Variants in OSBPL1A observed in about 807,000 individuals in gnomAD.
OSBPL1A encodes the protein oxysterol-binding protein-related protein 1.
Under a neutral mutation model 137.1 loss-of-function variants are expected in OSBPL1A, and 80 were observed. That is an observed-to-expected ratio of 0.58 (90% CI 0.49 to 0.70). OSBPL1A has a LOEUF of 0.70. OSBPL1A is among the 30% of genes least tolerant of loss of function. OSBPL1A has a pLI of 0.00. For synonymous variants in OSBPL1A, 365 were observed against 389.7 expected (o/e 0.94, Z 0.75); for missense variants, 970 against 1,129.4 (o/e 0.86, Z 2.02).
chr18:24,265,077 T>C (rs2089538821), intron 15 of OSBPL1A, among the ~76,000 whole-genome samples: 1 of 152,222 alleles, frequency 6.6e-6, no homozygotes, highest in African/African-American at 2.4e-5. Context: ...AGACCAGATG[T>C]TCTACAATCT....
chr18:24,180,467 G>GTC (rs2086574278), intron 19 of OSBPL1A, among the ~76,000 whole-genome samples: 1 of 105,772 alleles, frequency 9.5e-6, no homozygotes, highest in Non-Finnish European at 2.2e-5. Context: ...TATTTTGTGT[G>GTC]TGTGTGTGTG....
chr18:24,226,887 A>ATTTTTTTTTTT (rs5823416), intron 16 of OSBPL1A, among the ~76,000 whole-genome samples: 5 of 100,858 alleles, frequency 5.0e-5, no homozygotes, highest in Admixed American at 1.3e-4. Flanking sequence ...AAAGAAACAG[A>ATTTTTTTTTTT]TTTTTTTTTT....
intron 17 of OSBPL1A, among the ~76,000 whole-genome samples, chr18:24,222,376 G>A (rs759736159): frequency 3.5e-4 from 53 of 152,016 alleles, no homozygotes; most frequent in Non-Finnish European, 3.2e-4. Flanking sequence ...TGTATTTGGC[G>A]GCAAGGTTGA....
chr18:24,194,194 T>C (rs1314042289), intron 18 of OSBPL1A, among the ~76,000 whole-genome samples: 1 of 152,224 alleles, frequency 6.6e-6, no homozygotes, highest in African/African-American at 2.4e-5. Context: ...GAAATGTTCA[T>C]ACAAACTCCT....
chr18:24,182,180 C>T (rs992918974), intron 18 of OSBPL1A, among the ~76,000 whole-genome samples: 3 of 152,142 alleles, frequency 2.0e-5, no homozygotes, highest in Non-Finnish European at 4.4e-5. Context: ...GCATATTTTA[C>T]AGAATAGATT....
chr18:24,304,691 T>C (rs898081443), intron 13 of OSBPL1A, among the ~76,000 whole-genome samples: 1 of 152,190 alleles, frequency 6.6e-6, no homozygotes, highest in Non-Finnish European at 1.5e-5. Context: ...AAATCAAACT[T>C]ACTATAGATC....
chr18:24,182,967 C>T (rs1322424687), intron 18 of OSBPL1A, among the ~76,000 whole-genome samples: 2 of 151,962 alleles, frequency 1.3e-5, no homozygotes, highest in Non-Finnish European at 1.5e-5. Flanking sequence ...CTCCCAGGTT[C>T]ACGCAATTCT....
intron 14 of OSBPL1A, among the ~76,000 whole-genome samples, chr18:24,289,917 C>T (rs369613376): frequency 2.6e-5 from 4 of 152,094 alleles, no homozygotes; most frequent in African/African-American, 4.8e-5. Context: ...ATAGATGCTC[C>T]GCAACTTACA....
chr18:24,333,114 A>T, intron 6 of OSBPL1A, 28 bp from the exon 7 acceptor site: 1 of 1,608,038 alleles, frequency 6.2e-7, no homozygotes, highest in Non-Finnish European at 8.5e-7. Context: ...GCAATGCAGA[A>T]TTATATATCA....
chr18:24,337,716 A>G (rs1010605730), intron 5 of OSBPL1A, among the ~76,000 whole-genome samples: 1 of 151,828 alleles, frequency 6.6e-6, no homozygotes, highest in African/African-American at 2.4e-5. Context: ...GGGAGGGGAA[A>G]ATGCTACAAA....
At chr18:24,260,398 A>G (rs1599578999) in intron 15 of OSBPL1A, among the ~76,000 whole-genome samples, 1 of 152,378 alleles carries the variant, frequency 6.6e-6, no homozygotes, top group East Asian at 1.9e-4. Flanking sequence ...GCCAAAAGGT[A>G]GAAACAGCCC....
At chr18:24,346,149 G>A (rs574836226) in intron 4 of OSBPL1A, among the ~76,000 whole-genome samples, 192 of 152,266 alleles carry the variant, frequency 1.3e-3, no homozygotes, top group Non-Finnish European at 1.7e-3. Flanking sequence ...TAACACAGCC[G>A]TGAATCACGC....
intron 16 of OSBPL1A, among the ~76,000 whole-genome samples, chr18:24,237,111 C>T (rs2088507458): frequency 6.6e-6 from 1 of 152,068 alleles, no homozygotes; most frequent in Middle Eastern, 3.4e-3. Flanking sequence ...TATATATACA[C>T]AAGCACATAT....
Position 24,280,210 on chromosome 18 carries a change from G to A in OSBPL1A, c.1281+632C>T, listed in dbSNP as rs140157943. Among the ~76,000 whole-genome samples the A allele has an allele frequency of 4.1e-3, 619 of 152,106 alleles. 3 individuals are homozygous for A. The highest frequency in any genetic ancestry group is 6.1e-3 in the Non-Finnish European group (414 of 67,990). Reference sequence around the variant, plus strand: ...ATTGCCCACCTTAGCCTCCCAAAGCGCTGGGATTATAGGCGTGAGCCACCA... The same window carrying A: ...ATTGCCCACCTTAGCCTCCCAAAGCACTGGGATTATAGGCGTGAGCCACCA... On this transcript the variant is annotated intron_variant, in intron 15 of 27. Transcript: ENST00000319481.
intron 14 of OSBPL1A, among the ~76,000 whole-genome samples, chr18:24,294,040 T>C (rs2090241929): frequency 6.6e-6 from 1 of 152,130 alleles, no homozygotes; most frequent in Non-Finnish European, 1.5e-5. Context: ...GAAGTGCTTT[T>C]CCTCTCAGAT....
chr18:24,238,516 C>T (rs998360534), intron 16 of OSBPL1A, among the ~76,000 whole-genome samples: 1 of 152,188 alleles, frequency 6.6e-6, no homozygotes, highest in Non-Finnish European at 1.5e-5. Flanking sequence ...AGGCACTGTT[C>T]TAACCACTAT....
chr18:24,272,702 C>G (rs982609345), intron 15 of OSBPL1A, among the ~76,000 whole-genome samples: 2 of 152,118 alleles, frequency 1.3e-5, no homozygotes, highest in African/African-American at 4.8e-5. Context: ...TTAGTGAGTT[C>G]AGAGTAAAAA....
intron 6 of OSBPL1A, 47 bp from the exon 7 acceptor site, chr18:24,333,133 C>T: frequency 2.5e-6 from 4 of 1,585,384 alleles, no homozygotes; most frequent in Non-Finnish European, 8.6e-7. Flanking sequence ...CAAAGATAGA[C>T]TTTCCTCTCA....
At chr18:24,250,855 C>T (rs1276769707) in intron 15 of OSBPL1A, among the ~76,000 whole-genome samples, 1 of 152,190 alleles carries the variant, frequency 6.6e-6, no homozygotes, top group Non-Finnish European at 1.5e-5. Flanking sequence ...TGGACCTGCC[C>T]TGGGCCACAG....
Sources: gnomAD v4.1 joint callset for allele counts (sites outside exome capture counted in the v4.1 genomes callset) on GRCh38, gnomAD v4.1.1 for gene constraint, MANE v1.5 for transcripts, NCBI Gene and HGNC (gene_info 2026-07-23, HGNC 2026-07-21) for gene names.